Variants in DIAPH3 observed in about 807,000 individuals in gnomAD.
DIAPH3 encodes diaphanous related formin 3, also known as protein diaphanous homolog 3.
In DIAPH3, 117 loss-of-function variants were observed where a neutral mutation model predicts 144.3. The observed-to-expected ratio is 0.81, with a 90% confidence interval of 0.70 to 0.95. The LOEUF is 0.95. DIAPH3 is among the 40% of genes least tolerant of loss of function. The probability of loss-of-function intolerance (pLI) is 0.00; values close to 1 mark genes in which losing one functional copy is unlikely to be tolerated. For missense variants in DIAPH3, 1,421 were observed against 1,412.7 expected (o/e 1.01, Z -0.09); for synonymous variants, 519 against 488.9 (o/e 1.06, Z -0.81).
At chr13:59,773,998 C>A (rs755612540) in intron 27 of DIAPH3, 191 bp downstream of exon 27, 12 of 531,736 alleles carry the variant, frequency 2.3e-5, no homozygotes, top group East Asian at 6.3e-5. Flanking sequence ...ACCTAAGACA[C>A]AACCTCAAGG....
chr13:59,882,389 C>T (rs2045120364), intron 20 of DIAPH3, among the ~76,000 whole-genome samples: 1 of 152,110 alleles, frequency 6.6e-6, no homozygotes, highest in African/African-American at 2.4e-5. Flanking sequence ...TGCGCCCAGC[C>T]CTTTTCCTCA....
At chr13:59,995,196 A>T (rs2052115932) in intron 9 of DIAPH3, among the ~76,000 whole-genome samples, 1 of 151,828 alleles carries the variant, frequency 6.6e-6, no homozygotes, top group Non-Finnish European at 1.5e-5. Context: ...TCATTCATTA[A>T]AAAAACAATT....
intron 25 of DIAPH3, among the ~76,000 whole-genome samples, chr13:59,776,699 T>C (rs1298553942): frequency 2.0e-5 from 3 of 152,266 alleles, no homozygotes; most frequent in Middle Eastern, 3.4e-3. Flanking sequence ...AAAAAAACTA[T>C]AAAGAAAATG....
At chr13:59,695,425 T>G (rs375603256) in intron 27 of DIAPH3, 39 of 152,208 alleles carry the variant, frequency 2.6e-4, no homozygotes, top group African/African-American at 9.2e-4. Context: ...AACTTGCTGT[T>G]ACAATCCAGA....
intron 27 of DIAPH3, among the ~76,000 whole-genome samples, chr13:59,670,571 G>A (rs1342185211): frequency 6.6e-6 from 1 of 151,026 alleles, no homozygotes. Context: ...AAGTGCTCAA[G>A]CTGGAAGTTC....
At chr13:59,758,508 A>C (rs2037401627) in intron 27 of DIAPH3, among the ~76,000 whole-genome samples, 1 of 152,226 alleles carries the variant, frequency 6.6e-6, no homozygotes, top group Non-Finnish European at 1.5e-5. Flanking sequence ...CCACGGGGCT[A>C]CTGTGTTTCT....
At chr13:59,705,292 A>G (rs904409988) in intron 27 of DIAPH3, among the ~76,000 whole-genome samples, 3 of 152,164 alleles carry the variant, frequency 2.0e-5, no homozygotes, top group Admixed American at 1.3e-4. Context: ...CTAATTAACC[A>G]CAAACCCCTT....
chr13:60,087,798 A>AAC (rs1406028133), intron 4 of DIAPH3, among the ~76,000 whole-genome samples: 1 of 151,730 alleles, frequency 6.6e-6, no homozygotes, highest in Non-Finnish European at 1.5e-5. Context: ...AAAAAAAAAA[A>AAC]CATAAATAGA....
chr13:60,157,503 A>G (rs1952088523), intron 1 of DIAPH3, among the ~76,000 whole-genome samples: 2 of 152,190 alleles, frequency 1.3e-5, no homozygotes, highest in African/African-American at 4.8e-5. Context: ...CATTGTGAGC[A>G]TATTTCATTT....
At chr13:59,853,591 C>T (rs2043100765) in intron 22 of DIAPH3, among the ~76,000 whole-genome samples, 1 of 152,126 alleles carries the variant, frequency 6.6e-6, no homozygotes, top group Non-Finnish European at 1.5e-5. Flanking sequence ...TCTGAGTCCT[C>T]CCCAGCCATT....
chr13:59,764,901 A>G (rs1343789652), intron 27 of DIAPH3, among the ~76,000 whole-genome samples: 1 of 152,110 alleles, frequency 6.6e-6, no homozygotes, highest in Non-Finnish European at 1.5e-5. Context: ...ATAATTTGCT[A>G]TGGTAGCCCT....
intron 21 of DIAPH3, among the ~76,000 whole-genome samples, chr13:59,864,937 T>C (rs1593737665): frequency 1.3e-5 from 2 of 151,944 alleles, no homozygotes; most frequent in East Asian, 3.9e-4. Flanking sequence ...CACTCAAACT[T>C]TCATGTAAAT....
In DIAPH3 at chr13:60,007,937, T is replaced by C. The variant is rs183839758; in HGVS notation, c.1014+607A>G. ...CAAAAGTTAAAGTAATTTAAGAGACTAACATAGAATAAACAGTTCATAGAA... is the reference window on the plus strand; with the variant it reads ...CAAAAGTTAAAGTAATTTAAGAGACCAACATAGAATAAACAGTTCATAGAA... On this transcript the variant is annotated intron_variant, in intron 9 of 27. Transcript: ENST00000400324. 2.0e-5 allele frequency among the ~76,000 whole-genome samples: 3 copies of C among 152,242 alleles called. No homozygotes were observed. The East Asian group carries it at 5.8e-4, about 29-fold the overall frequency.
At chr13:60,128,851 A>C (rs1223355270) in intron 2 of DIAPH3, among the ~76,000 whole-genome samples, 1 of 151,860 alleles carries the variant, frequency 6.6e-6, no homozygotes. Flanking sequence ...ATCAGAATTC[A>C]TTTTGCTTAG....
chr13:59,771,060 T>C (rs1348434708), intron 27 of DIAPH3, among the ~76,000 whole-genome samples: 2 of 152,144 alleles, frequency 1.3e-5, no homozygotes, highest in African/African-American at 4.8e-5. Flanking sequence ...GAAGTTAGAA[T>C]GCTTGAGGTC....
At chr13:60,015,554 G>A (rs2053579801) in intron 7 of DIAPH3, among the ~76,000 whole-genome samples, 1 of 151,696 alleles carries the variant, frequency 6.6e-6, no homozygotes, top group Non-Finnish European at 1.5e-5. Context: ...AGAGTTAGGA[G>A]AGGGAGGAAA....
At chr13:59,699,194 G>A (rs950752832) in intron 27 of DIAPH3, among the ~76,000 whole-genome samples, 10 of 152,218 alleles carry the variant, frequency 6.6e-5, no homozygotes, top group African/African-American at 2.4e-4. Context: ...TCAACATGCT[G>A]AGGGTTGTGG....
chr13:59,883,029 G>C (rs2045186528), intron 20 of DIAPH3, among the ~76,000 whole-genome samples: 1 of 152,088 alleles, frequency 6.6e-6, no homozygotes. Flanking sequence ...TCAAAATTTT[G>C]TTTGTTGGCA....
intron 7 of DIAPH3, among the ~76,000 whole-genome samples, chr13:60,015,344 G>A (rs770682975): frequency 3.9e-5 from 6 of 151,952 alleles, no homozygotes; most frequent in Admixed American, 6.6e-5. Context: ...TCCATATTAC[G>A]TTTATTCTCA....
Sources: gnomAD v4.1 joint callset for allele counts (sites outside exome capture counted in the v4.1 genomes callset) on GRCh38, gnomAD v4.1.1 for gene constraint, MANE v1.5 for transcripts, NCBI Gene and HGNC (gene_info 2026-07-23, HGNC 2026-07-21) for gene names.